DLG2: variants seen among roughly 807,000 people sequenced by gnomAD.
DLG2 encodes discs large MAGUK scaffold protein 2.
Under a neutral mutation model 132.5 loss-of-function variants are expected in DLG2, and 45 were observed. The observed-to-expected ratio is 0.34, with a 90% CI of 0.27 to 0.44. The LOEUF is 0.44. DLG2 is among the 20% of genes least tolerant of loss of function. The pLI is 1.00. For missense variants in DLG2, 1,045 were observed against 1,196.9 expected, an observed-to-expected ratio of 0.87 and a Z score of 1.87; for synonymous variants, 424 against 419.6, an observed-to-expected ratio of 1.01 and a Z score of -0.13.
intron 19 of DLG2, among the ~76,000 whole-genome samples, chr11:83,568,693 T>TA (rs1217309320): frequency 6.6e-6 from 1 of 152,092 alleles, no homozygotes; most frequent in East Asian, 1.9e-4. Context: ...GGAAGATTCA[T>TA]AATGTGATAA....
At chr11:85,520,515 C>CCACACA (rs3068471) in intron 3 of DLG2, among the ~76,000 whole-genome samples, 29,420 of 147,964 alleles carry the variant, frequency 0.2, 3,521 homozygotes, top group Non-Finnish European at 0.28. Flanking sequence ...GTATATGGAA[C>CCACACA]CACACACACA....
intron 6 of DLG2, among the ~76,000 whole-genome samples, chr11:84,886,421 A>G (rs1485262703): frequency 6.6e-6 from 1 of 152,094 alleles, no homozygotes; most frequent in Non-Finnish European, 1.5e-5. Flanking sequence ...AATAAGGAAG[A>G]TGTTTAGAGT....
intron 18 of DLG2, among the ~76,000 whole-genome samples, chr11:83,698,911 A>G (rs2082377509): frequency 6.6e-6 from 1 of 152,216 alleles, no homozygotes; most frequent in Admixed American, 6.5e-5. Context: ...CTGCTAAATG[A>G]CAGCCAAAAA....
intron 6 of DLG2, among the ~76,000 whole-genome samples, chr11:84,936,985 T>A (rs1430484673): frequency 3.9e-5 from 6 of 152,104 alleles, no homozygotes; most frequent in African/African-American, 1.4e-4. Flanking sequence ...AAACCACGTC[T>A]GTACTAAAAC....
chr11:84,584,835 C>A (rs1416431950), intron 6 of DLG2, among the ~76,000 whole-genome samples: 1 of 151,098 alleles, frequency 6.6e-6, no homozygotes. Context: ...ACTACAGGCG[C>A]CCGCCACTAC....
At chr11:84,099,149 G>T in intron 9 of DLG2, 102 bp from the exon 10 acceptor site, 1 of 1,069,510 alleles carries the variant, frequency 9.4e-7, no homozygotes, top group South Asian at 1.4e-5. Context: ...TGGAAATCAG[G>T]TGACAACAGT....
chr11:84,791,428 C>T (rs973729710), intron 6 of DLG2, among the ~76,000 whole-genome samples: 1 of 152,040 alleles, frequency 6.6e-6, no homozygotes, highest in African/African-American at 2.4e-5. Context: ...CTATTCAGGT[C>T]TTTTGTGATT....
chr11:84,072,699 G>T (rs1318688042), intron 10 of DLG2, among the ~76,000 whole-genome samples: 2 of 152,176 alleles, frequency 1.3e-5, no homozygotes, highest in East Asian at 1.9e-4. Context: ...GAACTTAAAG[G>T]CACTGGAAAG....
intron 9 of DLG2, among the ~76,000 whole-genome samples, chr11:84,112,379 G>A (rs12286670): frequency 2.2e-4 from 27 of 123,636 alleles, no homozygotes; most frequent in Non-Finnish European, 6.5e-5. Context: ...TTTCATTCCA[G>A]AAGTATAATT....
At chr11:84,950,449 C>A (rs1591724650) in intron 6 of DLG2, among the ~76,000 whole-genome samples, 1 of 152,086 alleles carries the variant, frequency 6.6e-6, no homozygotes, top group East Asian at 1.9e-4. Flanking sequence ...GACAAAAATT[C>A]TGAATGACAA....
rs147050293 is a variant in DLG2, at chr11:85,556,284, T to C, written c.40+42373A>G. ...ATGGAGAGCCTAAGCACCTCACTGG[T>C]TTAGTACCCTCCCTCCTCTGTTAAT... On this transcript the variant is annotated intron_variant, in intron 3 of 27. Coordinates refer to ENST00000376104, the MANE Select transcript of DLG2 (RefSeq NM_001142699.3). Among the ~76,000 whole-genome samples the C allele has an allele frequency of 3.0e-4, 45 of 152,042 alleles. No homozygotes were observed. In the East Asian group the frequency reaches 8.3e-3, roughly 28 times the overall value.
At chr11:84,485,894 A>T (rs2099149479) in intron 7 of DLG2, among the ~76,000 whole-genome samples, 1 of 152,086 alleles carries the variant, frequency 6.6e-6, no homozygotes, top group Admixed American at 6.6e-5. Context: ...AGGTTAGGGC[A>T]CTCTGATCTA....
intron 6 of DLG2, among the ~76,000 whole-genome samples, chr11:84,916,389 A>C (rs2092472887): frequency 1.3e-5 from 2 of 148,384 alleles, no homozygotes; most frequent in Admixed American, 6.7e-5. Flanking sequence ...AGAAGCAGTA[A>C]AATGGCATGG....
At chr11:84,801,415 C>T (rs531381161) in intron 6 of DLG2, among the ~76,000 whole-genome samples, 7 of 152,164 alleles carry the variant, frequency 4.6e-5, no homozygotes, top group East Asian at 1.9e-4. Flanking sequence ...TAAAAAAATA[C>T]GAAAAACTAG....
chr11:85,459,419 G>A (rs977430432), intron 3 of DLG2, among the ~76,000 whole-genome samples: 2 of 152,086 alleles, frequency 1.3e-5, no homozygotes, highest in Non-Finnish European at 2.9e-5. Context: ...CAGGCTCTTG[G>A]TTTCTTCCCC....
intron 14 of DLG2, among the ~76,000 whole-genome samples, chr11:83,933,716 C>T (rs1363083800): frequency 6.7e-6 from 1 of 149,852 alleles, no homozygotes; most frequent in African/African-American, 2.5e-5. Context: ...CCATTTGGAC[C>T]ACTTGCACTA....
chr11:84,933,184 G>A (rs184019927), intron 6 of DLG2, among the ~76,000 whole-genome samples: 1 of 152,138 alleles, frequency 6.6e-6, no homozygotes, highest in East Asian at 1.9e-4. Context: ...ATCAGTAGGT[G>A]TTCAGTCTTA....
intron 7 of DLG2, among the ~76,000 whole-genome samples, chr11:84,352,152 C>T (rs79047760): frequency 3.4e-4 from 52 of 152,288 alleles, no homozygotes; most frequent in Non-Finnish European, 6.3e-4. Context: ...GACCTTCTCC[C>T]GCTCTTGCTC....
intron 6 of DLG2, among the ~76,000 whole-genome samples, chr11:84,650,901 A>ATATATATATATATATATATATAT (rs1594886301): frequency 7.0e-6 from 1 of 143,010 alleles, no homozygotes; most frequent in African/African-American, 2.7e-5. Flanking sequence ...ATATATATAT[A>ATATATATATATATATATATATAT]AAATTTTTGT....
Sources: gnomAD v4.1 joint callset for allele counts (sites outside exome capture counted in the v4.1 genomes callset) on GRCh38, gnomAD v4.1.1 for gene constraint, MANE v1.5 for transcripts, NCBI Gene and HGNC (gene_info 2026-07-23, HGNC 2026-07-21) for gene names.